The following PLXNA4 variants were observed in gnomAD, a reference collection of about 807,000 sequenced individuals.
PLXNA4 encodes plexin A4.
PLXNA4 carries 44 observed loss-of-function variants against 191.8 expected under a neutral mutation model. That is an observed-to-expected ratio of 0.23 (90% confidence interval 0.18 to 0.29). The LOEUF (loss-of-function observed/expected upper bound fraction) is 0.29. Ranked by LOEUF, PLXNA4 falls within the 10% of genes least tolerant of loss-of-function variation. PLXNA4 has a pLI of 1.00. For missense variants in PLXNA4, 1,800 were observed against 2,488.8 expected, an observed-to-expected ratio of 0.72 and a Z score of 5.89; for synonymous variants, 1,082 against 1,009.5, an observed-to-expected ratio of 1.07 and a Z score of -1.36.
At chr7:132,370,067 CAAAA>C (rs368638967) in intron 3 of PLXNA4, among the ~76,000 whole-genome samples, 12 of 111,080 alleles carry the variant, frequency 1.1e-4, no homozygotes, top group African/African-American at 1.8e-4. Flanking sequence ...GACTCTGACT[CAAAA>C]AAAAAAAAAA....
intron 3 of PLXNA4, among the ~76,000 whole-genome samples, chr7:132,408,038 TAA>T (rs34030992): frequency 6.8e-6 from 1 of 146,580 alleles, no homozygotes; most frequent in African/African-American, 2.5e-5. Flanking sequence ...TACAGGGATT[TAA>T]AAAAAAAAAG....
At chr7:132,246,585 A>C (rs1185609307) in intron 4 of PLXNA4, among the ~76,000 whole-genome samples, 1 of 152,142 alleles carries the variant, frequency 6.6e-6, no homozygotes, top group Non-Finnish European at 1.5e-5. Context: ...ATTCACAGTT[A>C]TGGCCAGAAA....
intron 3 of PLXNA4, among the ~76,000 whole-genome samples, chr7:132,397,034 G>A (rs1259533853): frequency 6.6e-6 from 1 of 152,216 alleles, no homozygotes; most frequent in African/African-American, 2.4e-5. Flanking sequence ...GCACAGGGAT[G>A]GGGGCTGGGG....
At chr7:132,340,829 C>G (rs773834014) in intron 3 of PLXNA4, among the ~76,000 whole-genome samples, 25 of 152,262 alleles carry the variant, frequency 1.6e-4, no homozygotes, top group African/African-American at 5.8e-4. Flanking sequence ...AGACATGTGC[C>G]ACCACGCCTG....
intron 29 of PLXNA4, among the ~76,000 whole-genome samples, chr7:132,142,495 A>G (rs1795300461): frequency 1.3e-5 from 2 of 152,382 alleles, no homozygotes; most frequent in Admixed American, 1.3e-4. Flanking sequence ...CCCAGCAGCC[A>G]GCATGTACAA....
At chr7:132,557,395 G>A (rs1800845317) in intron 1 of PLXNA4, among the ~76,000 whole-genome samples, 1 of 152,150 alleles carries the variant, frequency 6.6e-6, no homozygotes, top group Non-Finnish European at 1.5e-5. Context: ...GGTGGCAGGA[G>A]AGTTTATCAA....
chr7:132,137,866 A>G (rs898338916), intron 30 of PLXNA4, among the ~76,000 whole-genome samples: 21 of 150,616 alleles, frequency 1.4e-4, no homozygotes, highest in Middle Eastern at 3.4e-3. Context: ...AGAATGAGTG[A>G]GAGGAGAGAA....
At chr7:132,143,534 T>A (rs1178916751) in intron 29 of PLXNA4, among the ~76,000 whole-genome samples, 2 of 152,342 alleles carry the variant, frequency 1.3e-5, no homozygotes, top group East Asian at 1.9e-4. Flanking sequence ...AGAGAAGTTC[T>A]GGGCAGAGCA....
chr7:132,226,134 G>A, intron 8 of PLXNA4, 27 bp downstream of exon 8: 4 of 1,591,372 alleles, frequency 2.5e-6, no homozygotes, highest in Non-Finnish European at 3.4e-6. Flanking sequence ...CCAGGAACGG[G>A]AAGTGGGTAA....
intron 14 of PLXNA4, among the ~76,000 whole-genome samples, chr7:132,193,257 C>G (rs1415293148): frequency 5.9e-5 from 9 of 152,206 alleles, no homozygotes; most frequent in African/African-American, 2.2e-4. Flanking sequence ...CTCTCCCGCT[C>G]TTGCTCTCTT....
chr7:132,494,611 G>A (rs1316242544), intron 2 of PLXNA4, among the ~76,000 whole-genome samples: 2 of 152,164 alleles, frequency 1.3e-5, no homozygotes, highest in Non-Finnish European at 2.9e-5. Flanking sequence ...GTGGTGTGGG[G>A]AGCTGGAGCT....
At position 132,373,868 on chromosome 7, in the gene PLXNA4, T is replaced by C. The variant is rs578218682; in HGVS notation, c.1372-75646A>G. 1.9e-4 allele frequency among the ~76,000 whole-genome samples: 29 copies of C among 152,316 alleles called. No individual in the cohort carries two copies. The South Asian group carries it at 6.0e-3, about 32-fold the overall frequency. Reference sequence around the variant, plus strand: ...TTTCTGTTCTATCAGGGAGGTCTCCTGGCTTTAATAAAATCTCATTTTCCC... The same window carrying C: ...TTTCTGTTCTATCAGGGAGGTCTCCCGGCTTTAATAAAATCTCATTTTCCC... On this transcript the variant is annotated intron_variant, in intron 3 of 31. Transcript: ENST00000321063.
chr7:132,263,729 C>A (rs1415807624), intron 4 of PLXNA4, among the ~76,000 whole-genome samples: 1 of 152,178 alleles, frequency 6.6e-6, no homozygotes, highest in Non-Finnish European at 1.5e-5. Flanking sequence ...GAGCTGACTG[C>A]CACATATCGG....
chr7:132,596,307 A>G (rs1259803768), intron 2 of PLXNA4, among the ~76,000 whole-genome samples: 1 of 152,216 alleles, frequency 6.6e-6, no homozygotes, highest in Admixed American at 6.5e-5. Context: ...TTAAGAGAGA[A>G]GCAGGGCTGG....
intron 1 of PLXNA4, among the ~76,000 whole-genome samples, chr7:132,568,304 G>T (rs1249912743): frequency 6.6e-6 from 1 of 152,154 alleles, no homozygotes; most frequent in East Asian, 1.9e-4. Context: ...CTGTTGCTTA[G>T]TAAGCCCCAA....
At chr7:132,140,925 A>G (rs1795249713) in intron 29 of PLXNA4, 114 bp from the exon 30 acceptor site, 6 of 1,500,666 alleles carry the variant, frequency 4.0e-6, no homozygotes, top group Non-Finnish European at 5.3e-6. Flanking sequence ...AGAACTTAAG[A>G]GCCTTCTCTA....
chr7:132,493,511 TG>T (rs1797884178), intron 2 of PLXNA4, among the ~76,000 whole-genome samples: 1 of 152,200 alleles, frequency 6.6e-6, no homozygotes, highest in Non-Finnish European at 1.5e-5. Context: ...CAGAGGACTC[TG>T]GATCTTTTTT....
At chr7:132,621,249 T>G (rs1803256788) in intron 2 of PLXNA4, among the ~76,000 whole-genome samples, 1 of 134,962 alleles carries the variant, frequency 7.4e-6, no homozygotes, top group South Asian at 2.3e-4. Context: ...TTTTTTTGTT[T>G]TTTTTTTTTG....
chr7:132,374,624 G>A (rs1156723585), intron 3 of PLXNA4, among the ~76,000 whole-genome samples: 1 of 152,028 alleles, frequency 6.6e-6, no homozygotes, highest in Non-Finnish European at 1.5e-5. Flanking sequence ...ATTCTTTCAC[G>A]ATTGCCAAAG....
Sources: allele counts gnomAD v4.1 joint callset (sites outside exome capture counted in the v4.1 genomes callset), GRCh38; gene constraint gnomAD v4.1.1; transcripts MANE v1.5; gene names NCBI Gene and HGNC (gene_info 2026-07-23, HGNC 2026-07-21).